Variants in UST observed in about 807,000 individuals in gnomAD.
UST encodes the protein uronyl 2-sulfotransferase.
In UST, 21 loss-of-function variants were observed where a neutral mutation model predicts 45.6. The observed-to-expected ratio is 0.46, with a 90% CI of 0.33 to 0.66. The LOEUF (loss-of-function observed/expected upper bound fraction) is 0.66, where lower values mean the gene tolerates loss of function less well. Ranked by LOEUF, UST falls within the 30% of genes least tolerant of loss-of-function variation. The pLI is 0.02. For synonymous variants in UST, 215 were observed against 200.6 expected (o/e 1.07, Z -0.61); for missense variants, 463 against 512.4 (o/e 0.90, Z 0.93).
At chr6:148,901,902 C>T (rs183328759) in intron 2 of UST, among the ~76,000 whole-genome samples, 20 of 152,202 alleles carry the variant, frequency 1.3e-4, no homozygotes, top group Admixed American at 7.2e-4. Flanking sequence ...CAGAACTTGT[C>T]GCAAGGCCCC....
intron 2 of UST, among the ~76,000 whole-genome samples, chr6:148,924,931 C>A (rs1045405020): frequency 2.0e-5 from 3 of 152,132 alleles, no homozygotes; most frequent in Non-Finnish European, 2.9e-5. Flanking sequence ...CTGCTTGATT[C>A]TATTACTTTG....
At chr6:148,973,440 G>A (rs729503) in intron 5 of UST, among the ~76,000 whole-genome samples, 59,871 of 152,020 alleles carry the variant, frequency 0.39, 12,170 homozygotes, top group African/African-American at 0.51. Flanking sequence ...TTTAAATGCA[G>A]GCCAATTCAT....
At chr6:148,883,802 C>T (rs1041893780) in intron 1 of UST, among the ~76,000 whole-genome samples, 1 of 152,116 alleles carries the variant, frequency 6.6e-6, no homozygotes, top group African/African-American at 2.4e-5. Flanking sequence ...TAGGTCTTTT[C>T]CCCCAAACTC....
chr6:149,043,029 C>CTTTCTTTCTTTTTCTT (rs1776346060), intron 7 of UST, among the ~76,000 whole-genome samples: 1 of 101,764 alleles, frequency 9.8e-6, no homozygotes, highest in African/African-American at 4.5e-5. Flanking sequence ...CTTTTTCTTT[C>CTTTCTTTCTTTTTCTT]TTTCTTTCTT....
At chr6:148,827,085 T>C (rs1226718649) in intron 1 of UST, among the ~76,000 whole-genome samples, 2 of 152,192 alleles carry the variant, frequency 1.3e-5, no homozygotes, top group East Asian at 3.8e-4. Flanking sequence ...ATAAGGGCAT[T>C]GTTGATACCG....
intron 1 of UST, among the ~76,000 whole-genome samples, chr6:148,785,202 A>T: frequency 6.9e-6 from 1 of 145,028 alleles, no homozygotes; most frequent in Non-Finnish European, 1.5e-5. Context: ...CTCCATCTTA[A>T]AAAAAAAAAA....
intron 5 of UST, among the ~76,000 whole-genome samples, chr6:149,008,303 A>G (rs1336131599): frequency 5.3e-5 from 8 of 152,198 alleles, no homozygotes; most frequent in African/African-American, 1.7e-4. Flanking sequence ...CAGTATTTCT[A>G]AGGTCTTAGA....
chr6:148,775,327 G>A (rs889851212), intron 1 of UST, among the ~76,000 whole-genome samples: 4 of 152,196 alleles, frequency 2.6e-5, no homozygotes, highest in African/African-American at 7.2e-5. Context: ...GTCGCCCAGC[G>A]TGAGAGGTTG....
chr6:149,063,984 A>T (rs1215579360), intron 7 of UST, among the ~76,000 whole-genome samples: 2 of 152,092 alleles, frequency 1.3e-5, no homozygotes, highest in Non-Finnish European at 2.9e-5. Context: ...CAGAATCTAT[A>T]CTCTCAGACG....
intron 2 of UST, among the ~76,000 whole-genome samples, chr6:148,925,900 A>C (rs1042823193): frequency 1.3e-5 from 2 of 152,174 alleles, no homozygotes; most frequent in African/African-American, 4.8e-5. Flanking sequence ...TTGTTGTTTT[A>C]AGTAGACCAC....
At position 148,840,745 on chromosome 6, in the gene UST, G is replaced by A. The variant is rs528501842; in HGVS notation, c.248-46241G>A. Among the ~76,000 whole-genome samples, 10 of 152,274 alleles carry A rather than the reference G, an allele frequency of 6.6e-5. No individual in the cohort carries two copies. In the South Asian group the frequency reaches 1.7e-3, roughly 25 times the overall value. On this transcript the variant is annotated intron_variant, in intron 1 of 7. Transcript: ENST00000367463. ...AAAAAATCTGCATATAAGTGGGCCCGCCCAGTTTGAACCTGTGTTGCTTAA... is the reference window on the plus strand; with the variant it reads ...AAAAAATCTGCATATAAGTGGGCCCACCCAGTTTGAACCTGTGTTGCTTAA...
intron 1 of UST, among the ~76,000 whole-genome samples, chr6:148,854,740 A>G (rs1474498097): frequency 2.6e-5 from 4 of 152,214 alleles, no homozygotes; most frequent in Non-Finnish European, 5.9e-5. Flanking sequence ...GGGTGAGATC[A>G]TGGTGTAATA....
intron 5 of UST, among the ~76,000 whole-genome samples, chr6:148,978,392 G>A (rs1281063115): frequency 6.6e-6 from 1 of 152,088 alleles, no homozygotes; most frequent in Non-Finnish European, 1.5e-5. Flanking sequence ...TTGCAGCATT[G>A]TTTATAATAG....
intron 1 of UST, among the ~76,000 whole-genome samples, chr6:148,749,034 A>G (rs1332684767): frequency 6.6e-6 from 1 of 152,224 alleles, no homozygotes; most frequent in African/African-American, 2.4e-5. Flanking sequence ...GATGTGGATA[A>G]AATAATATTC....
chr6:149,067,531 G>A (rs1237557134), intron 7 of UST, among the ~76,000 whole-genome samples: 1 of 152,176 alleles, frequency 6.6e-6, no homozygotes, highest in African/African-American at 2.4e-5. Context: ...TGTCCTCTCT[G>A]TGGAGTGTTC....
At chr6:149,043,009 TTCTTTCTTTCTTTTTCTTTC>T (rs1743730823) in intron 7 of UST, among the ~76,000 whole-genome samples, 2 of 118,670 alleles carry the variant, frequency 1.7e-5, no homozygotes, top group African/African-American at 7.6e-5. Context: ...CTTTCTTTCT[TTCTTTCTTTCTTTTTCTTTC>T]TTTCTTTCTT....
intron 1 of UST, among the ~76,000 whole-genome samples, chr6:148,862,903 T>C (rs977809191): frequency 3.3e-5 from 5 of 149,300 alleles, no homozygotes; most frequent in African/African-American, 1.2e-4. Context: ...GTGGGTAACC[T>C]GACCTTTCTC....
intron 1 of UST, among the ~76,000 whole-genome samples, chr6:148,751,725 C>G (rs1775995726): frequency 6.6e-6 from 1 of 151,934 alleles, no homozygotes; most frequent in Admixed American, 6.6e-5. Context: ...CATGGTCTTT[C>G]CAATTCAGTG....
At chr6:148,981,390 C>A (rs1781131416) in intron 5 of UST, among the ~76,000 whole-genome samples, 1 of 152,226 alleles carries the variant, frequency 6.6e-6, no homozygotes, top group Non-Finnish European at 1.5e-5. Context: ...TTGTTCTTAA[C>A]CACTATGCCA....
Sources: gnomAD v4.1 joint callset for allele counts (sites outside exome capture counted in the v4.1 genomes callset) on GRCh38, gnomAD v4.1.1 for gene constraint, MANE v1.5 for transcripts, NCBI Gene and HGNC (gene_info 2026-07-23, HGNC 2026-07-21) for gene names.